The following RBL2 variants were observed in gnomAD, a reference collection of about 807,000 sequenced individuals.
RBL2 encodes the protein retinoblastoma-like protein 2.
In RBL2, 56 loss-of-function variants were observed where a neutral mutation model predicts 126.0. The ratio of observed to expected loss-of-function variants is 0.44; its 90% CI spans 0.36 to 0.56. The LOEUF (loss-of-function observed/expected upper bound fraction) is 0.56. Ranked by LOEUF, RBL2 falls within the 20% of genes least tolerant of loss-of-function variation. RBL2 has a pLI of 0.00. For synonymous variants in RBL2, 454 were observed against 478.5 expected (o/e 0.95, Z 0.67); for missense variants, 1,229 against 1,398.2 (o/e 0.88, Z 1.93).
At chr16:53,479,450 A>G (rs1960859101) in intron 18 of RBL2, 2 of 543,516 alleles carry the variant, frequency 3.7e-6, no homozygotes. Flanking sequence ...TTCTTAATTC[A>G]GAAAAATCAC....
intron 21 of RBL2, chr16:53,489,863 T>C (rs1042072194): frequency 2.4e-5 from 7 of 286,578 alleles, no homozygotes; most frequent in Non-Finnish European, 3.8e-5. Context: ...TCACAAATTA[T>C]AGACATGTAT....
At position 53,470,734 on chromosome 16, in the gene RBL2, T is replaced by G; in HGVS notation, c.2527-12T>G. Reference sequence around the variant, plus strand: ...AGTGTTAAACAAAGTTTGAAATGTTTTTATCTCCTAGGTATACCATTTAGC... The same window carrying G: ...AGTGTTAAACAAAGTTTGAAATGTTGTTATCTCCTAGGTATACCATTTAGC... On this transcript the variant is annotated splice_polypyrimidine_tract_variant and intron_variant, in intron 16 of 21. Transcript: ENST00000262133. 1 of 1,612,886 alleles carries G rather than the reference T, an allele frequency of 6.2e-7. No individual in the cohort carries two copies. The highest frequency in any genetic ancestry group is 8.5e-7 in the Non-Finnish European group (1 of 1,179,388).
At chr16:53,486,473 T>C (rs537013164) in intron 21 of RBL2, among the ~76,000 whole-genome samples, 48 of 152,310 alleles carry the variant, frequency 3.2e-4, no homozygotes, top group African/African-American at 1.1e-3. Context: ...GATGGCTTCA[T>C]TGGTAAATGC....
At chr16:53,460,682 A>G (rs950923281) in intron 9 of RBL2, among the ~76,000 whole-genome samples, 2 of 152,292 alleles carry the variant, frequency 1.3e-5, no homozygotes, top group Admixed American at 6.5e-5. Context: ...AAAGGGTGCT[A>G]TTTTTGTTGA....
chr16:53,470,922 G>C lies in RBL2; in HGVS notation c.2703G>C (p.Lys901Asn). ...TGTGTGCCATTTATGTGATGGCAAA[G>C]GTGAGTACCATTTGGAATTGTAAAG... ...LLMCAIYVMA[K>N]VTKEDKSFQN... The change falls in exon 17 of 22, where the codon AAG becomes AAC. Residue 901 changes from lysine to asparagine, a missense_variant and splice_region_variant. This residue lies in a region of RBL2 where 1,070 missense variants were observed against 1,274.3 expected (regional missense o/e 0.84). Transcript: ENST00000262133. 1.9e-6 allele frequency: 3 copies of C among 1,604,782 alleles called. No homozygotes were observed. Among genetic ancestry groups the C allele is most frequent in the Non-Finnish European group, 2.6e-6 (3 of 1,176,422 alleles).
intron 1 of RBL2, chr16:53,435,691 T>C: frequency 1.6e-6 from 2 of 1,289,048 alleles, no homozygotes; most frequent in Non-Finnish European, 2.0e-6. Context: ...CGTTTTATAA[T>C]TAATTTGTAG....
intron 17 of RBL2, among the ~76,000 whole-genome samples, chr16:53,477,811 A>G (rs942633806): frequency 6.6e-6 from 1 of 152,040 alleles, no homozygotes; most frequent in African/African-American, 2.4e-5. Flanking sequence ...TATTTATACA[A>G]TTGATTTTTT....
intron 14 of RBL2, among the ~76,000 whole-genome samples, chr16:53,468,502 C>T (rs2058291525): frequency 6.6e-6 from 1 of 152,096 alleles, no homozygotes; most frequent in South Asian, 2.1e-4. Flanking sequence ...TAGAATTTTC[C>T]GTTCCCTAAT....
intron 21 of RBL2, chr16:53,488,479 T>C (rs1961262639): frequency 6.6e-6 from 1 of 152,196 alleles, no homozygotes; most frequent in African/African-American, 2.4e-5. Context: ...AGTAAAATGA[T>C]AGCGATTATT....
Position 53,470,626 on chromosome 16 carries a change from C to T in RBL2, c.2489C>T (p.Pro830Leu). The change falls in exon 16 of 22, where the codon CCC (proline) becomes CTC (leucine). Residue 830 changes from proline to leucine, a missense_variant. Pro to Leu is a moderately conservative substitution (Grantham distance 98). Around this residue, in one of 2 missense-constraint regions of RBL2, gnomAD observed 1,070 missense variants for 1,274.3 expected, o/e 0.84. Coordinates refer to ENST00000262133, the MANE Select transcript of RBL2 (RefSeq NM_005611.4). Reference protein sequence around the residue: ...GQSVTSSSNRPRKTSSLSLFF... With the variant: ...GQSVTSSSNRLRKTSSLSLFF... ...TCTGTAACCAGCAGTAGTAATAGACCCAGGAAGACCAGCTCTTTATCGCTT... is the reference window on the plus strand; with the variant it reads ...TCTGTAACCAGCAGTAGTAATAGACTCAGGAAGACCAGCTCTTTATCGCTT... 1 of 1,614,126 alleles carries T rather than the reference C, an allele frequency of 6.2e-7. No homozygotes were observed. Among genetic ancestry groups the T allele is most frequent in the Non-Finnish European group, 8.5e-7 (1 of 1,180,020 alleles).
intron 17 of RBL2, among the ~76,000 whole-genome samples, chr16:53,474,988 A>T (rs1960674857): frequency 6.6e-6 from 1 of 152,062 alleles, no homozygotes; most frequent in Non-Finnish European, 1.5e-5. Flanking sequence ...GAGACCAGAG[A>T]TTTTCCTTGT....
intron 21 of RBL2, 177 bp from the exon 22 acceptor site, chr16:53,489,953 G>A (rs540057443): frequency 4.7e-6 from 2 of 425,648 alleles, no homozygotes. Context: ...AATAGCCATC[G>A]GCCTCAGCCA....
chr16:53,452,717 G>C (rs2058127012), intron 5 of RBL2, among the ~76,000 whole-genome samples: 1 of 151,636 alleles, frequency 6.6e-6, no homozygotes, highest in Admixed American at 6.6e-5. Flanking sequence ...CCCAGGCTGG[G>C]ATGCAGTGGT....
In RBL2 at chr16:53,459,540, G is replaced by T. The variant is rs145130369; in HGVS notation, c.1269G>T (p.Thr423=). 1.2e-6 allele frequency: 2 copies of T among 1,610,264 alleles called. No individual in the cohort carries two copies. Among genetic ancestry groups the T allele is most frequent in the Non-Finnish European group, 1.7e-6 (2 of 1,178,848 alleles). The part of the protein sequence containing the change: ...SPCVTPVSTA[T]HSLSRLHTML... ...GTGTGACTCCAGTTTCTACAGCTAC[G>T]CATAGCTTGAGTCGTCTTCACACCA... Residue 423 remains threonine (T), a synonymous_variant, in exon 9 of 22, where the codon ACG becomes ACT. Transcript: ENST00000262133.
At chr16:53,482,431 C>T (rs1960989795) in intron 21 of RBL2, among the ~76,000 whole-genome samples, 1 of 152,196 alleles carries the variant, frequency 6.6e-6, no homozygotes, top group Non-Finnish European at 1.5e-5. Context: ...GACAGTGATC[C>T]AAAGCTTAAT....
At chr16:53,490,062 T>G in intron 21 of RBL2, 68 bp from the exon 22 acceptor site, 1 of 1,242,386 alleles carries the variant, frequency 8.0e-7, no homozygotes, top group Admixed American at 2.5e-5. Context: ...TCATTTGAGA[T>G]TCTTTGACTT....
intron 3 of RBL2, among the ~76,000 whole-genome samples, chr16:53,446,797 C>T (rs16952246): frequency 0.47 from 71,395 of 151,994 alleles, 17,377 homozygotes; most frequent in Middle Eastern, 0.62. Context: ...CTATCTTGCC[C>T]TCAAAAAACT....
At chr16:53,457,261 T>TTTTTTTTTTTTTTTTTTTTTTG in intron 8 of RBL2, among the ~76,000 whole-genome samples, 1 of 115,028 alleles carries the variant, frequency 8.7e-6, no homozygotes, top group African/African-American at 3.9e-5. Context: ...CAGATAGCTT[T>TTTTTTTTTTTTTTTTTTTTTTG]TTTTTTTTTT....
chr16:53,491,437 T>C lies in RBL2; in HGVS notation c.*1137T>C, dbSNP rs1961447638. 1 of 152,428 alleles carries C rather than the reference T, an allele frequency of 6.6e-6. No homozygotes were observed. Among genetic ancestry groups the C allele is most frequent in the Admixed American group, 6.5e-5 (1 of 15,282 alleles). 9.4% of individuals were successfully genotyped at this position (152,428 alleles called of 1,614,324 possible). Reference sequence around the variant, plus strand: ...TTGTTCCAGCAGTTTTCAAGTCAAATTAATAATCTTATTAGGGAGAAAATT... The same window carrying C: ...TTGTTCCAGCAGTTTTCAAGTCAAACTAATAATCTTATTAGGGAGAAAATT... On this transcript the variant is annotated 3_prime_UTR_variant, in exon 22 of 22. Transcript: ENST00000262133.
Sources: gnomAD v4.1 joint callset for allele counts (sites outside exome capture counted in the v4.1 genomes callset) on GRCh38, gnomAD v4.1.1 for gene constraint, gnomAD v4.1.1 regional missense constraint, MANE v1.5 for transcripts, NCBI Gene and HGNC (gene_info 2026-07-23, HGNC 2026-07-21) for gene names.